Variants in SRRM3 observed in about 807,000 individuals in gnomAD.
The protein encoded by SRRM3 is serine/arginine repetitive matrix 3.
Under a neutral mutation model 66.2 loss-of-function variants are expected in SRRM3, and 27 were observed. The observed-to-expected ratio is 0.41, with a 90% CI of 0.30 to 0.56. The LOEUF (loss-of-function observed/expected upper bound fraction) is 0.56, where lower values mean the gene tolerates loss of function less well. Among genes scored for constraint, SRRM3 ranks in the 20% least tolerant of loss-of-function variants. The probability of loss-of-function intolerance (pLI) is 0.32; values close to 1 mark genes in which losing one functional copy is unlikely to be tolerated. For synonymous variants in SRRM3, 391 were observed against 414.9 expected, an observed-to-expected ratio of 0.94 and a Z score of 0.70; for missense variants, 918 against 991.9, an observed-to-expected ratio of 0.93 and a Z score of 1.00.
chr7:76,213,637 T>C (rs181310477), intron 1 of SRRM3, among the ~76,000 whole-genome samples: 109 of 152,218 alleles, frequency 7.2e-4, no homozygotes, highest in African/African-American at 2.6e-3. Flanking sequence ...ATCTGTAGGA[T>C]GGGCTGAAGG....
intron 13 of SRRM3, 35 bp from the exon 14 acceptor site, chr7:76,282,929 C>T: frequency 7.6e-7 from 1 of 1,311,660 alleles, no homozygotes; most frequent in Middle Eastern, 2.9e-4. Context: ...AGCGGCCGGG[C>T]CGCGTCGCTC....
Position 76,282,628 on chromosome 7 carries a change from G to T in SRRM3, c.1371-20G>T. On this transcript the variant is annotated intron_variant, in intron 12 of 14. Transcript: ENST00000611745. The stretch of plus-strand genomic sequence containing the variant: ...TTTCCGGGTCGCTGAGCCCTATCCC[G>T]CGCCGTCTCCCTCCTCCAGGGCCAA... The T allele has an allele frequency of 2.0e-6, 2 of 994,714 alleles. No individual in the cohort carries two copies. The highest frequency in any genetic ancestry group is 1.2e-6 in the Non-Finnish European group (1 of 809,986). The allele number at this position is 994,714 out of a possible 1,614,324, so 61.6% of individuals were successfully genotyped here. A position where few individuals can be genotyped will look rare whatever the true frequency, so the allele number is the denominator to read the frequency against.
chr7:76,274,817 G>A (rs1421990772), intron 11 of SRRM3, among the ~76,000 whole-genome samples: 3 of 152,184 alleles, frequency 2.0e-5, no homozygotes, highest in Non-Finnish European at 4.4e-5. Context: ...CAGAAATTTG[G>A]CATTCTGGCC....
Position 76,275,359 on chromosome 7 carries a change from A to G in SRRM3, c.1009-6082A>G, listed in dbSNP as rs190278958. On this transcript the variant is annotated intron_variant, in intron 11 of 14. Transcript: ENST00000611745. ...GAAAGGGCAAGCTAGGCGAGGTGGT[A>G]CCACCTGTAGTCCCAGCTACTCAGG... Among the ~76,000 whole-genome samples, 683 of 151,304 alleles carry G rather than the reference A, an allele frequency of 4.5e-3. 6 individuals carry two copies. Among genetic ancestry groups the G allele is most frequent in the African/African-American group, 0.016 (651 of 41,220 alleles).
At chr7:76,243,285 C>G (rs1801354856) in intron 2 of SRRM3, among the ~76,000 whole-genome samples, 1 of 152,128 alleles carries the variant, frequency 6.6e-6, no homozygotes, top group South Asian at 2.1e-4. Flanking sequence ...TGTCTCTCCC[C>G]GTCATCACTG....
intron 2 of SRRM3, among the ~76,000 whole-genome samples, chr7:76,237,525 A>T (rs1433166788): frequency 6.6e-6 from 1 of 152,258 alleles, no homozygotes; most frequent in Non-Finnish European, 1.5e-5. Flanking sequence ...CAGTGAGCCA[A>T]GATTGCGCCA....
rs2116912473 is a variant in SRRM3 at position 76,201,944 on chromosome 7, T to TG, written c.-162dup. On this transcript the variant is annotated 5_prime_UTR_variant, in exon 1 of 15. Coordinates refer to ENST00000611745, the MANE Select transcript of SRRM3 (RefSeq NM_001110199.3). ...GCAGCACCCGCGGGGAGGCAGAGGG[T>TG]GCGGGGCCGTGGGGGCCGCGGAGCT... 1 of 152,276 alleles carries TG rather than the reference T, an allele frequency of 6.6e-6. No homozygotes were observed. The highest frequency in any genetic ancestry group is 2.1e-4 in the South Asian group (1 of 4,816). The allele number at this position is 152,276 out of a possible 1,614,324, so 9.4% of individuals were successfully genotyped here.
In SRRM3 at chr7:76,267,435, TGTAC is replaced by T; in HGVS notation, c.1008+6_1008+9del. On this transcript the variant is annotated splice_donor_variant and splice_donor_region_variant and intron_variant, in intron 11 of 14. Transcript: ENST00000611745. LOFTEE classifies it high-confidence loss of function. Reference sequence around the variant, plus strand: ...CCGGCTCGGCGCACAGCCCGCCCGATGTACGTACGCTTCGCTTTGCGGAGGGTTC... The same window carrying T: ...CCGGCTCGGCGCACAGCCCGCCCGATGTACGCTTCGCTTTGCGGAGGGTTC... 1 of 1,353,534 alleles carries T rather than the reference TGTAC, an allele frequency of 7.4e-7. No homozygotes were observed. The highest frequency in any genetic ancestry group is 1.9e-5 in the South Asian group (1 of 52,570). 83.8% of individuals were successfully genotyped at this position (1,353,534 alleles called of 1,614,324 possible).
intron 11 of SRRM3, among the ~76,000 whole-genome samples, chr7:76,276,978 G>A (rs967491102): frequency 1.3e-5 from 2 of 152,158 alleles, no homozygotes; most frequent in Non-Finnish European, 2.9e-5. Context: ...TTACCAATGG[G>A]GAAACTGAGG....
chr7:76,271,809 C>G (rs2117088829), intron 11 of SRRM3, among the ~76,000 whole-genome samples: 1 of 152,252 alleles, frequency 6.6e-6, no homozygotes, highest in South Asian at 2.1e-4. Flanking sequence ...TCCTGCTTTC[C>G]CCCATCAGAC....
Position 76,280,458 on chromosome 7 carries a change from C to T in SRRM3, c.1009-983C>T, listed in dbSNP as rs1554611676. The stretch of plus-strand genomic sequence containing the variant: ...TGGGGGTCCGGCCTGGTGGGCTGGC[C>T]CTGGCCCCGCTCCCGGTGCCGCTCT... On this transcript the variant is annotated intron_variant, in intron 11 of 14. Coordinates refer to ENST00000611745, the MANE Select transcript of SRRM3 (RefSeq NM_001110199.3). Among the ~76,000 whole-genome samples the T allele has an allele frequency of 2.0e-5, 3 of 149,374 alleles. No homozygotes were observed. In the South Asian group the frequency reaches 6.5e-4, roughly 32 times the overall value.
intron 3 of SRRM3, among the ~76,000 whole-genome samples, chr7:76,253,638 A>T (rs1801635427): frequency 6.6e-6 from 1 of 151,302 alleles, no homozygotes; most frequent in African/African-American, 2.4e-5. Flanking sequence ...TTAAAAAAAT[A>T]AAATAAAAAT....
intron 1 of SRRM3, among the ~76,000 whole-genome samples, chr7:76,220,342 G>C (rs2116960429): frequency 6.6e-6 from 1 of 152,350 alleles, no homozygotes; most frequent in African/African-American, 2.4e-5. Flanking sequence ...GGTGATGCTT[G>C]AGCAGTCTTG....
chr7:76,223,888 TTC>T (rs1554603472), intron 1 of SRRM3, among the ~76,000 whole-genome samples: 1 of 58,742 alleles, frequency 1.7e-5, no homozygotes, highest in African/African-American at 9.8e-5. Context: ...TTCCCTTCCC[TTC>T]CCTCCCCACC....
intron 11 of SRRM3, among the ~76,000 whole-genome samples, chr7:76,277,864 C>CAAAGTAG (rs1802395160): frequency 6.6e-6 from 1 of 152,166 alleles, no homozygotes; most frequent in African/African-American, 2.4e-5. Context: ...GCACTGCCTC[C>CAAAGTAG]CCTAACCAAA....
rs191186236 is a variant in SRRM3, at chr7:76,237,782, C to T, written c.233+2483C>T. 2.6e-3 allele frequency among the ~76,000 whole-genome samples: 398 copies of T among 151,646 alleles called. 3 individuals are homozygous for T. The highest frequency in any genetic ancestry group is 9.0e-3 in the African/African-American group (373 of 41,316). ...CCCATCCTCAGCCCCTCTCCCTTCA[C>T]TAAGTCCCCTCCTCTTCTCTGTACT... On this transcript the variant is annotated intron_variant, in intron 2 of 14. Coordinates refer to ENST00000611745, the MANE Select transcript of SRRM3 (RefSeq NM_001110199.3).
chr7:76,271,826 A>G (rs1417999191), intron 11 of SRRM3, among the ~76,000 whole-genome samples: 1 of 152,200 alleles, frequency 6.6e-6, no homozygotes, highest in Non-Finnish European at 1.5e-5. Flanking sequence ...AGACCCATCC[A>G]GAAATCAGCT....
At chr7:76,271,648 AAAC>A (rs1280600041) in intron 11 of SRRM3, among the ~76,000 whole-genome samples, 8 of 152,260 alleles carry the variant, frequency 5.3e-5, no homozygotes, top group East Asian at 3.9e-4. Context: ...GTCTCAAAAC[AAAC>A]AACAACAACA....
chr7:76,260,342 G>T, intron 5 of SRRM3, 145 bp downstream of exon 5: 1 of 460,752 alleles, frequency 2.2e-6, no homozygotes, highest in Non-Finnish European at 3.2e-6. Flanking sequence ...GCCGTCCCCC[G>T]ACTAGGTGCC....
Sources: allele counts gnomAD v4.1 joint callset (sites outside exome capture counted in the v4.1 genomes callset), GRCh38; gene constraint gnomAD v4.1.1; transcripts MANE v1.5; gene names NCBI Gene and HGNC (gene_info 2026-07-23, HGNC 2026-07-21).